Variants in KIF15 observed in about 807,000 individuals in gnomAD.
KIF15 encodes kinesin family member 15.
In KIF15, 140 loss-of-function variants were observed where a neutral mutation model predicts 190.6. That is an observed-to-expected ratio of 0.73 (90% CI 0.64 to 0.84). The LOEUF is 0.84. Among genes scored for constraint, KIF15 ranks in the 40% least tolerant of loss-of-function variants. The pLI, the probability that KIF15 is intolerant of heterozygous loss-of-function variation, is 0.00. For synonymous variants in KIF15, 528 were observed against 551.3 expected, an observed-to-expected ratio of 0.96 and a Z score of 0.59; for missense variants, 1,372 against 1,584.4, an observed-to-expected ratio of 0.87 and a Z score of 2.28.
intron 29 of KIF15, 63 bp downstream of exon 29, chr3:44,841,301 G>T: frequency 7.4e-7 from 1 of 1,356,140 alleles, no homozygotes. Context: ...TCGCTATGTT[G>T]CCCAGGCTGG....
downstream of KIF15, among the ~76,000 whole-genome samples, chr3:44,855,354 A>G (rs1699178441): frequency 6.6e-6 from 1 of 152,164 alleles, no homozygotes; most frequent in Non-Finnish European, 1.5e-5. Flanking sequence ...ACAAATCACA[A>G]TGGTGGAATG....
intron 6 of KIF15, 80 bp from the exon 7 acceptor site, chr3:44,786,315 C>G (rs149402212): frequency 2.6e-6 from 3 of 1,156,196 alleles, no homozygotes; most frequent in Non-Finnish European, 3.7e-6. Flanking sequence ...TCTTGTGAAG[C>G]GAGTGCAAAA....
At position 44,852,719 on chromosome 3, in the gene KIF15, AAAG is replaced by A. The variant is rs1269554731; in HGVS notation, c.4155_4157del (p.Arg1385del). ...GAAAATGTATTTTTAAAAGAAAAGAAAAGAAGTGAATCTTGAGGATTCCGGTCA... is the reference window on the plus strand; with the variant it reads ...GAAAATGTATTTTTAAAAGAAAAGAAAAGTGAATCTTGAGGATTCCGGTCA... On this transcript the variant is annotated inframe_deletion, in exon 35 of 35. Coordinates refer to ENST00000326047, the MANE Select transcript of KIF15 (RefSeq NM_020242.3). 2 of 1,601,686 alleles carry A rather than the reference AAAG, an allele frequency of 1.2e-6. No individual in the cohort carries two copies. The highest frequency in any genetic ancestry group is 1.1e-5 in the South Asian group (1 of 87,418).
At chr3:44,865,646 CG>C (rs1559603402) in intron 6 of KIF15, 1 of 159,518 alleles carries the variant, frequency 6.3e-6, no homozygotes, top group Admixed American at 6.1e-5. Context: ...TTAATAAATA[CG>C]TTTTTTGTAA....
chr3:44,798,827 CTT>C (rs915381749), intron 10 of KIF15, among the ~76,000 whole-genome samples: 1 of 152,148 alleles, frequency 6.6e-6, no homozygotes, highest in Non-Finnish European at 1.5e-5. Flanking sequence ...CATCCTGACA[CTT>C]TATGTCTGGA....
At chr3:44,799,439 C>G in intron 10 of KIF15, 2 of 428,006 alleles carry the variant, frequency 4.7e-6, no homozygotes, top group Admixed American at 2.6e-5. Flanking sequence ...TTTTTCCTTG[C>G]TGGAGTACTG....
At chr3:44,805,726 A>G in intron 15 of KIF15, 119 bp from the exon 16 acceptor site, 2 of 935,288 alleles carry the variant, frequency 2.1e-6, no homozygotes, top group Non-Finnish European at 3.3e-6. Flanking sequence ...GAGAGAATAG[A>G]GAATATCTCT....
At position 44,840,390 on chromosome 3, in the gene KIF15, G is replaced by T; in HGVS notation, c.3354G>T (p.Lys1118Asn). 6.2e-7 allele frequency: 1 copy of T among 1,610,954 alleles called. No individual in the cohort carries two copies. The highest frequency in any genetic ancestry group is 1.1e-5 in the South Asian group (1 of 90,448). ...AGAAAGAGGAAGTAGAACAGAAGAA[G>T]AATGAATATAACTTCAAAATGAGGC... ...NQKKEEVEQK[K>N]NEYNFKMRQL... Residue 1118 changes from lysine (K) to asparagine (N), a missense_variant, in exon 28 of 35, where the codon AAG becomes AAT. Coordinates refer to ENST00000326047, the MANE Select transcript of KIF15 (RefSeq NM_020242.3).
At chr3:44,762,464 C>T (rs1490926654) in intron 1 of KIF15, among the ~76,000 whole-genome samples, 1 of 152,198 alleles carries the variant, frequency 6.6e-6, no homozygotes, top group Non-Finnish European at 1.5e-5. Context: ...AGAGCACTGT[C>T]ATTTTGCTTA....
chr3:44,789,876 C>T lies in KIF15; in HGVS notation c.639+3302C>T, dbSNP rs183858593. ...GTCATAAAAGCATCACCAAACTTCT[C>T]AATAAGAACCCAACACACTTCTAAT... On this transcript the variant is annotated intron_variant, in intron 7 of 34. Transcript: ENST00000326047. Among the ~76,000 whole-genome samples the T allele has an allele frequency of 3.3e-3, 501 of 151,752 alleles. 4 individuals are homozygous for T. Among genetic ancestry groups the T allele is most frequent in the African/African-American group, 0.011 (461 of 41,386 alleles).
At chr3:44,804,099 C>T (rs1377971270) in intron 14 of KIF15, among the ~76,000 whole-genome samples, 3 of 152,168 alleles carry the variant, frequency 2.0e-5, no homozygotes, top group Admixed American at 6.5e-5. Flanking sequence ...CCACCCACTT[C>T]GGCCTCCCAA....
chr3:44,785,393 C>A (rs1706356379), intron 6 of KIF15, among the ~76,000 whole-genome samples: 1 of 152,238 alleles, frequency 6.6e-6, no homozygotes, highest in African/African-American at 2.4e-5. Context: ...ACCTTTGTAG[C>A]ACCTGCTACT....
downstream of KIF15, among the ~76,000 whole-genome samples, chr3:44,855,493 C>T (rs542862628): frequency 5.3e-5 from 8 of 152,210 alleles, no homozygotes; most frequent in East Asian, 1.5e-3. Context: ...TTCCTGTCTT[C>T]TTATATTAAT....
At chr3:44,864,473 C>T (rs992069313) in intron 6 of KIF15, 2 of 1,099,078 alleles carry the variant, frequency 1.8e-6, no homozygotes, top group African/African-American at 3.1e-5. Flanking sequence ...TGTGGCTTGA[C>T]CCCTGGATGA....
intron 16 of KIF15, among the ~76,000 whole-genome samples, chr3:44,806,578 A>T (rs564124890): frequency 5.3e-5 from 8 of 152,212 alleles, no homozygotes; most frequent in Non-Finnish European, 8.8e-5. Flanking sequence ...AAGGTTGAGG[A>T]GGTGATACTG....
At chr3:44,834,912 G>A (rs772574610) in intron 26 of KIF15, among the ~76,000 whole-genome samples, 49 of 151,366 alleles carry the variant, frequency 3.2e-4, no homozygotes, top group Admixed American at 9.9e-4. Context: ...CAGCTAGGGC[G>A]ACAGAGCGAT....
At chr3:44,815,110 G>T (rs1047407041) in intron 20 of KIF15, 34 bp downstream of exon 20, 2 of 1,510,490 alleles carry the variant, frequency 1.3e-6, no homozygotes, top group Non-Finnish European at 1.8e-6. Flanking sequence ...CAAGTTGCCT[G>T]ATTGGCTGTA....
At position 44,778,176 on chromosome 3, in the gene KIF15, G is replaced by T. The variant is rs990928418; in HGVS notation, c.308G>T (p.Gly103Val). The change falls in exon 4 of 35, where the codon GGT becomes GTT. Residue 103 changes from glycine to valine, a missense_variant. Physicochemically the swap from Gly to Val is moderately radical, Grantham distance 109. Transcript: ENST00000326047. ...IVESCMSGYN[G>V]TIFAYGQTGS... ...GAGTCTTGCATGAGCGGTTATAATGGTACCATCTTTGCATAGTAAGTTGTT... is the reference window on the plus strand; with the variant it reads ...GAGTCTTGCATGAGCGGTTATAATGTTACCATCTTTGCATAGTAAGTTGTT... 2.5e-6 allele frequency: 4 copies of T among 1,613,120 alleles called. No individual in the cohort carries two copies. Among genetic ancestry groups the T allele is most frequent in the Non-Finnish European group, 3.4e-6 (4 of 1,179,182 alleles).
At chr3:44,789,099 TTTTC>T (rs1405976567) in intron 7 of KIF15, among the ~76,000 whole-genome samples, 3 of 152,186 alleles carry the variant, frequency 2.0e-5, no homozygotes, top group Non-Finnish European at 4.4e-5. Flanking sequence ...CTCTTTAATA[TTTTC>T]TTTGTTTTCA....
Sources: allele counts gnomAD v4.1 joint callset (sites outside exome capture counted in the v4.1 genomes callset), GRCh38; gene constraint gnomAD v4.1.1; transcripts MANE v1.5; gene names NCBI Gene and HGNC (gene_info 2026-07-23, HGNC 2026-07-21).